The following PAX5 variants were observed in gnomAD, a reference collection of about 807,000 sequenced individuals.
PAX5 encodes paired box protein Pax-5.
In PAX5, 9 loss-of-function variants were observed where a neutral mutation model predicts 43.7. The observed-to-expected ratio is 0.21, with a 90% CI of 0.12 to 0.36. The LOEUF (loss-of-function observed/expected upper bound fraction) is 0.36, where lower values mean the gene tolerates loss of function less well. Among genes scored for constraint, PAX5 ranks in the 10% least tolerant of loss-of-function variants. The pLI is 1.00. For synonymous variants in PAX5, 228 were observed against 214.3 expected (o/e 1.06, Z -0.56); for missense variants, 383 against 532.7 (o/e 0.72, Z 2.77).
intron 6 of PAX5, among the ~76,000 whole-genome samples, chr9:36,936,054 T>G (rs1038797399): frequency 1.3e-5 from 2 of 152,246 alleles, no homozygotes; most frequent in African/African-American, 4.8e-5. Context: ...CACTCTAAGT[T>G]CATTAGAAAT....
At chr9:36,941,099 C>T (rs374145090) in intron 6 of PAX5, among the ~76,000 whole-genome samples, 9 of 152,164 alleles carry the variant, frequency 5.9e-5, no homozygotes, top group Non-Finnish European at 1.0e-4. Flanking sequence ...AGAGAAAGCA[C>T]GGATTAGCGT....
At chr9:36,978,339 G>A (rs1334394132) in intron 5 of PAX5, among the ~76,000 whole-genome samples, 2 of 152,162 alleles carry the variant, frequency 1.3e-5, no homozygotes, top group Non-Finnish European at 2.9e-5. Flanking sequence ...AATATTACTA[G>A]GAGCAAAAGG....
chr9:37,002,557 T>C (rs2132396555), intron 5 of PAX5, 91 bp downstream of exon 5: 1 of 1,414,764 alleles, frequency 7.1e-7, no homozygotes, highest in Non-Finnish European at 9.6e-7. Flanking sequence ...AGGGGGGTGT[T>C]CGCGGGCACC....
intron 9 of PAX5, among the ~76,000 whole-genome samples, chr9:36,845,439 G>C (rs535047902): frequency 7.9e-4 from 121 of 152,314 alleles, no homozygotes; most frequent in African/African-American, 2.9e-3. Flanking sequence ...TCGATACTTA[G>C]AACTAATTTT....
At chr9:36,906,783 G>A (rs10758413) in intron 7 of PAX5, among the ~76,000 whole-genome samples, 32,392 of 152,144 alleles carry the variant, frequency 0.21, 4,445 homozygotes, top group East Asian at 0.51. Flanking sequence ...TTTCAAAGCC[G>A]CATGTAAGAA....
chr9:36,978,507 T>A (rs1835643212), intron 5 of PAX5, among the ~76,000 whole-genome samples: 2 of 151,852 alleles, frequency 1.3e-5, no homozygotes, highest in African/African-American at 4.8e-5. Flanking sequence ...TGCACAGAAA[T>A]AAATAAATAA....
intron 7 of PAX5, among the ~76,000 whole-genome samples, chr9:36,902,032 C>T (rs987534842): frequency 1.3e-5 from 2 of 152,152 alleles, no homozygotes; most frequent in African/African-American, 2.4e-5. Context: ...GGCTCCCATC[C>T]CCTCCCTAGA....
At chr9:36,863,937 CG>C (rs1824512702) in intron 8 of PAX5, among the ~76,000 whole-genome samples, 1 of 151,882 alleles carries the variant, frequency 6.6e-6, no homozygotes, top group African/African-American at 2.4e-5. Flanking sequence ...GGTGAAACCC[CG>C]TCTCTACTAA....
intron 5 of PAX5, among the ~76,000 whole-genome samples, chr9:36,994,841 A>G (rs150780523): frequency 1.3e-3 from 203 of 152,172 alleles, no homozygotes; most frequent in African/African-American, 4.7e-3. Context: ...GTTGGTAACT[A>G]ATTCAAAATC....
chr9:36,860,284 C>CAACTG (rs1824085533), intron 8 of PAX5, among the ~76,000 whole-genome samples: 2 of 152,018 alleles, frequency 1.3e-5, no homozygotes, highest in Admixed American at 1.3e-4. Context: ...TTGCAGTGAG[C>CAACTG]CAAGATTGCA....
chr9:36,922,380 G>A (rs1323464549), intron 7 of PAX5, among the ~76,000 whole-genome samples: 3 of 152,284 alleles, frequency 2.0e-5, no homozygotes, highest in Admixed American at 6.5e-5. Flanking sequence ...AGTGTGGCCC[G>A]CCAGCCCCTT....
chr9:36,946,952 C>A (rs567109865), intron 6 of PAX5, among the ~76,000 whole-genome samples: 1 of 152,186 alleles, frequency 6.6e-6, no homozygotes, highest in Non-Finnish European at 1.5e-5. Flanking sequence ...TTTTCCAAAT[C>A]CCAAAAACCC....
intron 1 of PAX5, 130 bp downstream of exon 1, chr9:37,033,856 C>A: frequency 2.8e-6 from 2 of 720,300 alleles, no homozygotes; most frequent in Non-Finnish European, 4.9e-6. Context: ...ACATAACAAA[C>A]ACGCCGCAGT....
At chr9:37,005,901 A>T (rs1321375441) in intron 4 of PAX5, among the ~76,000 whole-genome samples, 10 of 152,076 alleles carry the variant, frequency 6.6e-5, no homozygotes. Flanking sequence ...TATGACTCCC[A>T]CTCTGTCGGG....
Position 36,839,566 on chromosome 9 carries a change from GAA to G in PAX5, c.*992_*993del. On this transcript the variant is annotated 3_prime_UTR_variant, in exon 10 of 10. Coordinates refer to ENST00000358127, the MANE Select transcript of PAX5 (RefSeq NM_016734.3). ...CTTGCTGGGGTCCTGGAGGGTGGGT[GAA>G]GTGTCCATGGCAGGTGTCCGAAGTG... 4.3e-6 allele frequency: 1 copy of G among 233,456 alleles called. No homozygotes were observed. The highest frequency in any genetic ancestry group is 2.2e-5 in the African/African-American group (1 of 45,480). 14.5% of individuals were successfully genotyped at this position (233,456 alleles called of 1,614,324 possible). A position where few individuals can be genotyped will look rare whatever the true frequency, so the allele number is the denominator to read the frequency against.
intron 5 of PAX5, among the ~76,000 whole-genome samples, chr9:36,984,103 G>A (rs1486888515): frequency 6.6e-6 from 1 of 152,186 alleles, no homozygotes; most frequent in Admixed American, 6.5e-5. Flanking sequence ...GCTTCCTACA[G>A]CAGCTTCTCC....
rs765197477 is a variant in PAX5, at chr9:36,925,580, G to A, written c.781-2096C>T. 2.6e-5 allele frequency among the ~76,000 whole-genome samples: 4 copies of A among 152,130 alleles called. No individual in the cohort carries two copies. The South Asian group carries it at 6.2e-4, about 24-fold the overall frequency. On this transcript the variant is annotated intron_variant, in intron 6 of 9. Transcript: ENST00000358127. ...ATGGACTCTTTAATAAACAGAGCAG[G>A]GGTAACTGGTTATCCATTCAGAAAC...
intron 8 of PAX5, among the ~76,000 whole-genome samples, chr9:36,873,587 A>T (rs1290046310): frequency 6.6e-6 from 1 of 152,170 alleles, no homozygotes; most frequent in Non-Finnish European, 1.5e-5. Context: ...CAAGGAGCTT[A>T]GAAAGAAAGT....
intron 8 of PAX5, among the ~76,000 whole-genome samples, chr9:36,861,905 C>T (rs1391733382): frequency 6.6e-6 from 1 of 152,054 alleles, no homozygotes; most frequent in Non-Finnish European, 1.5e-5. Context: ...AATGGGGAGA[C>T]CAGGAAAGAG....
Sources: allele counts gnomAD v4.1 joint callset (sites outside exome capture counted in the v4.1 genomes callset), GRCh38; gene constraint gnomAD v4.1.1; transcripts MANE v1.5; gene names NCBI Gene and HGNC (gene_info 2026-07-23, HGNC 2026-07-21).